Variants in CSMD1 observed in about 807,000 individuals in gnomAD.
CSMD1 encodes the protein CUB and Sushi multiple domains 1.
CSMD1 carries 213 observed loss-of-function variants against 417.5 expected under a neutral mutation model. That is an observed-to-expected ratio of 0.51 (90% confidence interval 0.46 to 0.57). The LOEUF is 0.57. CSMD1 is among the 20% of genes least tolerant of loss of function. The pLI is 0.00. For missense variants in CSMD1, 6,923 were observed against 4,529.7 expected (o/e 1.53, Z -15.17); for synonymous variants, 2,862 against 1,736.8 (o/e 1.65, Z -16.11).
At chr8:4,068,035 C>A (rs140056833) in intron 3 of CSMD1, among the ~76,000 whole-genome samples, 82 of 152,136 alleles carry the variant, frequency 5.4e-4, no homozygotes, top group Middle Eastern at 3.4e-3. Context: ...GAGCCGAGAT[C>A]ATGCCACTGC....
intron 5 of CSMD1, among the ~76,000 whole-genome samples, chr8:3,898,323 T>A (rs977583915): frequency 6.6e-6 from 1 of 152,074 alleles, no homozygotes; most frequent in South Asian, 2.1e-4. Context: ...ACTACTCTGA[T>A]GTTATGTGAG....
chr8:4,263,429 G>A (rs1053919177), intron 3 of CSMD1, among the ~76,000 whole-genome samples: 3 of 152,108 alleles, frequency 2.0e-5, no homozygotes, highest in Admixed American at 6.6e-5. Flanking sequence ...CAAAAACATC[G>A]TATGGGACTG....
At chr8:4,951,700 G>A (rs931584171) in intron 1 of CSMD1, among the ~76,000 whole-genome samples, 2 of 151,600 alleles carry the variant, frequency 1.3e-5, no homozygotes, top group African/African-American at 4.8e-5. Flanking sequence ...CTTGGCTGTG[G>A]TTCTACCAGA....
chr8:4,038,267 T>G (rs1797717555), intron 3 of CSMD1, among the ~76,000 whole-genome samples: 1 of 152,138 alleles, frequency 6.6e-6, no homozygotes, highest in African/African-American at 2.4e-5. Context: ...TAATTAAGAA[T>G]AAATTAGAAT....
chr8:3,533,152 T>G (rs1287297740), intron 10 of CSMD1, among the ~76,000 whole-genome samples: 2 of 152,184 alleles, frequency 1.3e-5, no homozygotes, highest in Non-Finnish European at 2.9e-5. Flanking sequence ...GGAAGAAATT[T>G]AAAGATCAAA....
intron 1 of CSMD1, among the ~76,000 whole-genome samples, chr8:4,851,047 C>A (rs966360018): frequency 1.3e-5 from 2 of 151,912 alleles, no homozygotes; most frequent in South Asian, 4.2e-4. Flanking sequence ...GTGCTGCACC[C>A]ATTAACACAT....
chr8:3,156,157 T>G (rs1471501194), intron 39 of CSMD1, among the ~76,000 whole-genome samples: 1 of 152,222 alleles, frequency 6.6e-6, no homozygotes, highest in Non-Finnish European at 1.5e-5. Flanking sequence ...AAATAGCTAA[T>G]GTTCATCCAT....
chr8:3,968,109 C>G (rs998733877), intron 5 of CSMD1, among the ~76,000 whole-genome samples: 1 of 151,574 alleles, frequency 6.6e-6, no homozygotes, highest in East Asian at 1.9e-4. Context: ...ATGGCGTGAA[C>G]CCGGGAGGCA....
chr8:3,309,163 T>C (rs1503280), intron 23 of CSMD1, among the ~76,000 whole-genome samples: 1,967 of 152,258 alleles, frequency 0.013, 40 homozygotes, highest in African/African-American at 0.044. Flanking sequence ...TTTGCCCCTC[T>C]GTCACAACCT....
intron 2 of CSMD1, among the ~76,000 whole-genome samples, chr8:4,583,159 T>C (rs1799520611): frequency 6.6e-6 from 1 of 152,084 alleles, no homozygotes; most frequent in South Asian, 2.1e-4. Flanking sequence ...ACGAGCACCA[T>C]CCTCTGCTCC....
At chr8:3,253,357 T>C (rs1480666092) in intron 26 of CSMD1, among the ~76,000 whole-genome samples, 5 of 152,150 alleles carry the variant, frequency 3.3e-5, no homozygotes, top group African/African-American at 7.2e-5. Flanking sequence ...GTTTCTTATT[T>C]CTGAGTTCTG....
At chr8:4,470,371 C>A (rs1287929910) in intron 2 of CSMD1, among the ~76,000 whole-genome samples, 2 of 152,206 alleles carry the variant, frequency 1.3e-5, no homozygotes, top group Admixed American at 1.3e-4. Context: ...TGCTTCCTCT[C>A]TCTTCCCTCT....
intron 2 of CSMD1, among the ~76,000 whole-genome samples, chr8:4,488,198 G>C (rs1008927446): frequency 6.6e-6 from 1 of 152,172 alleles, no homozygotes; most frequent in Non-Finnish European, 1.5e-5. Flanking sequence ...AGTTTATGTT[G>C]TTTATAATCC....
chr8:4,620,448 G>A (rs969941771), intron 2 of CSMD1, among the ~76,000 whole-genome samples: 3 of 151,598 alleles, frequency 2.0e-5, no homozygotes, highest in East Asian at 1.9e-4. Context: ...AATAATCATA[G>A]ATAACGCTTT....
chr8:3,118,654 G>C (rs1033691496), intron 41 of CSMD1, 67 bp from the exon 42 acceptor site: 2 of 1,430,182 alleles, frequency 1.4e-6, no homozygotes, highest in Non-Finnish European at 1.9e-6. Flanking sequence ...GAATTTGCAG[G>C]AGTGTCATCA....
intron 2 of CSMD1, among the ~76,000 whole-genome samples, chr8:4,576,221 C>A (rs545706891): frequency 6.6e-6 from 1 of 152,352 alleles, no homozygotes; most frequent in South Asian, 2.1e-4. Flanking sequence ...GTCCCCACCT[C>A]GTCTTCTGAA....
intron 3 of CSMD1, among the ~76,000 whole-genome samples, chr8:4,223,332 T>C (rs1801152094): frequency 6.6e-6 from 1 of 152,254 alleles, no homozygotes; most frequent in Non-Finnish European, 1.5e-5. Flanking sequence ...AGAACACTGT[T>C]GTCTCAGAAC....
chr8:3,796,417 ATCATGTATAGATATATATATCTATCG>A (rs1337167298), intron 5 of CSMD1, among the ~76,000 whole-genome samples: 2,370 of 108,842 alleles, frequency 0.022, 187 homozygotes, highest in Middle Eastern at 0.041. Context: ...ATATATATCT[ATCATGTATAGATATATATATCTATCG>A]TGTATAGATA....
At chr8:3,664,893 C>T (rs1024346685) in intron 7 of CSMD1, among the ~76,000 whole-genome samples, 11 of 152,062 alleles carry the variant, frequency 7.2e-5, no homozygotes, top group African/African-American at 1.2e-4. Context: ...GTCACAAATT[C>T]CAAAAAATAC....
Sources: allele counts gnomAD v4.1 joint callset (sites outside exome capture counted in the v4.1 genomes callset), GRCh38; gene constraint gnomAD v4.1.1; transcripts MANE v1.5; gene names NCBI Gene and HGNC (gene_info 2026-07-23, HGNC 2026-07-21).